The following POPDC3 variants were observed in gnomAD, a reference collection of about 807,000 sequenced individuals.
POPDC3 encodes the protein popeye domain cAMP effector 3.
POPDC3 carries 20 observed loss-of-function variants against 28.2 expected under a neutral mutation model. That is an observed-to-expected ratio of 0.71 (90% confidence interval 0.50 to 1.03). The LOEUF is 1.03. POPDC3 is among the 50% of genes least tolerant of loss of function. POPDC3 has a pLI of 0.00. For synonymous variants in POPDC3, 118 were observed against 124.1 expected (o/e 0.95, Z 0.33); for missense variants, 316 against 345.9 (o/e 0.91, Z 0.69).
intron 1 of POPDC3, among the ~76,000 whole-genome samples, chr6:105,165,781 T>G (rs867077407): frequency 6.6e-6 from 1 of 152,220 alleles, no homozygotes; most frequent in Non-Finnish European, 1.5e-5. Flanking sequence ...TGAGTGAGTT[T>G]TGGTTGCTAA....
At chr6:105,163,080 T>G (rs1366854800) in intron 1 of POPDC3, among the ~76,000 whole-genome samples, 7 of 152,138 alleles carry the variant, frequency 4.6e-5, no homozygotes, top group African/African-American at 1.7e-4. Flanking sequence ...ACTATATCAA[T>G]AAACATAAGA....
Position 105,158,162 on chromosome 6 carries a change from T to G in POPDC3, c.*308A>C. On this transcript the variant is annotated 3_prime_UTR_variant, in exon 4 of 4. Transcript: ENST00000254765. ...TGAGTCTATAGGGCAAGACAATGCATTTGAGTAAATGTGAGAAAAGAATTG... is the reference window on the plus strand; with the variant it reads ...TGAGTCTATAGGGCAAGACAATGCAGTTGAGTAAATGTGAGAAAAGAATTG... The G allele has an allele frequency of 7.2e-6, 2 of 279,618 alleles. No homozygotes were observed. Among genetic ancestry groups the G allele is most frequent in the Non-Finnish European group, 1.3e-5 (2 of 148,620 alleles). The allele number at this position is 279,618 out of a possible 1,614,324, so 17.3% of individuals were successfully genotyped here.
At chr6:105,162,210 T>C in intron 1 of POPDC3, 50 bp from the exon 2 acceptor site, 3 of 1,052,346 alleles carry the variant, frequency 2.9e-6, no homozygotes, top group Non-Finnish European at 3.5e-6. Context: ...AAAAGGAGAA[T>C]TGTGGGGTAT....
chr6:105,179,017 C>G (rs1240686028), intron 1 of POPDC3: 1 of 985,318 alleles, frequency 1.0e-6, no homozygotes, highest in African/African-American at 1.7e-5. Context: ...TCTAATTCTA[C>G]TTTTCCATTT....
intron 1 of POPDC3, among the ~76,000 whole-genome samples, chr6:105,168,574 C>G (rs1774507582): frequency 6.6e-6 from 1 of 152,212 alleles, no homozygotes. Flanking sequence ...CTAAGATGCT[C>G]TCAACATTCC....
intron 2 of POPDC3, among the ~76,000 whole-genome samples, chr6:105,161,224 T>G (rs959899976): frequency 9.9e-5 from 15 of 152,236 alleles, no homozygotes; most frequent in African/African-American, 3.4e-4. Context: ...ATTAAGGCTC[T>G]TGATTATTTT....
intron 3 of POPDC3, 158 bp from the exon 4 acceptor site, chr6:105,158,909 A>C: frequency 1.8e-6 from 1 of 561,354 alleles, no homozygotes; most frequent in South Asian, 3.3e-5. Flanking sequence ...AGAAACTACA[A>C]AATTCGTTAC....
rs1480729419 is a variant in POPDC3 at position 105,172,823 on chromosome 6, G to C, written c.-252+7010C>G. On this transcript the variant is annotated intron_variant, in intron 1 of 3. Coordinates refer to ENST00000254765, the MANE Select transcript of POPDC3 (RefSeq NM_022361.5). ...ACACCGCATGTTCTCACTCATAGGTGGGAATTGAACAATGAGAACACGTGG... is the reference window on the plus strand; with the variant it reads ...ACACCGCATGTTCTCACTCATAGGTCGGAATTGAACAATGAGAACACGTGG... Among the ~76,000 whole-genome samples, 3 of 147,182 alleles carry C rather than the reference G, an allele frequency of 2.0e-5. No individual in the cohort carries two copies. The Admixed American group carries it at 2.1e-4, about 10-fold the overall frequency.
Position 105,160,860 on chromosome 6 carries a change from A to G in POPDC3, c.485+565T>C, listed in dbSNP as rs543442051. The stretch of plus-strand genomic sequence containing the variant: ...AGGTGATTATCCTGCCTCAGCCTCC[A>G]AAAGTGCTGGGATTACAGGTGTTTT... On this transcript the variant is annotated intron_variant, in intron 2 of 3. Transcript: ENST00000254765. Among the ~76,000 whole-genome samples, 13 of 151,602 alleles carry G rather than the reference A, an allele frequency of 8.6e-5. No homozygotes were observed. The South Asian group carries it at 2.7e-3, about 32-fold the overall frequency.
chr6:105,171,850 G>A (rs1424065643), intron 1 of POPDC3, among the ~76,000 whole-genome samples: 1 of 149,652 alleles, frequency 6.7e-6, no homozygotes, highest in Non-Finnish European at 1.5e-5. Context: ...CACTTATTTC[G>A]TTTATTTTAT....
At position 105,158,185 on chromosome 6, in the gene POPDC3, T is replaced by A. The variant is rs1758; in HGVS notation, c.*285A>T. On this transcript the variant is annotated 3_prime_UTR_variant, in exon 4 of 4. Transcript: ENST00000254765. ...CATTTGAGTAAATGTGAGAAAAGAA[T>A]TGAGAAAGTGGAATTTCATTCTCCC... is the stretch of plus-strand genomic sequence containing the variant. The A allele has an allele frequency of 3.2e-5, 11 of 344,892 alleles. No homozygotes were observed. The East Asian group carries it at 5.6e-4, about 18-fold the overall frequency. The allele number at this position is 344,892 out of a possible 1,614,324, so 21.4% of individuals were successfully genotyped here.
intron 1 of POPDC3, among the ~76,000 whole-genome samples, chr6:105,172,815 T>TC (rs1774607211): frequency 1.4e-5 from 2 of 142,836 alleles, no homozygotes. Flanking sequence ...ATGTTCTCAC[T>TC]CATAGGTGGG....
rs1774330338 is a variant in POPDC3 at position 105,161,562 on chromosome 6, G to GA, written c.347dup (p.Gln117ProfsTer18). 6.2e-7 allele frequency: 1 copy of GA among 1,614,026 alleles called. No individual in the cohort carries two copies. The highest frequency in any genetic ancestry group is 1.3e-5 in the African/African-American group (1 of 74,902). The stretch of plus-strand genomic sequence containing the variant: ...CAGGCAAAGAGATCCCCAGGGGCTG[G>GA]AAAAGGGAGCTGTACAACACTTGGA... On this transcript the variant is annotated frameshift_variant, in exon 2 of 4. Transcript: ENST00000254765. LOFTEE classifies it high-confidence loss of function.
intron 1 of POPDC3, among the ~76,000 whole-genome samples, chr6:105,168,035 T>C (rs1582994446): frequency 6.6e-6 from 1 of 152,178 alleles, no homozygotes; most frequent in East Asian, 1.9e-4. Flanking sequence ...GTGGAAGAAT[T>C]ATCCAAGATT....
At chr6:105,168,088 A>G (rs1774495579) in intron 1 of POPDC3, among the ~76,000 whole-genome samples, 1 of 152,242 alleles carries the variant, frequency 6.6e-6, no homozygotes, top group African/African-American at 2.4e-5. Flanking sequence ...ATTGGTTACA[A>G]CATTCATATG....
chr6:105,158,174 T>A lies in POPDC3; in HGVS notation c.*296A>T. 3.2e-6 allele frequency: 1 copy of A among 315,172 alleles called. No individual in the cohort carries two copies. The highest frequency in any genetic ancestry group is 5.8e-6 in the Non-Finnish European group (1 of 171,302). The allele number at this position is 315,172 out of a possible 1,614,324, so 19.5% of individuals were successfully genotyped here. Reference sequence around the variant, plus strand: ...GCAAGACAATGCATTTGAGTAAATGTGAGAAAAGAATTGAGAAAGTGGAAT... The same window carrying A: ...GCAAGACAATGCATTTGAGTAAATGAGAGAAAAGAATTGAGAAAGTGGAAT... On this transcript the variant is annotated 3_prime_UTR_variant, in exon 4 of 4. Coordinates refer to ENST00000254765, the MANE Select transcript of POPDC3 (RefSeq NM_022361.5).
At position 105,171,964 on chromosome 6, in the gene POPDC3, G is replaced by A. The variant is rs947795905; in HGVS notation, c.-252+7869C>T. 4.0e-5 allele frequency among the ~76,000 whole-genome samples: 6 copies of A among 150,958 alleles called. No homozygotes were observed. In the East Asian group the frequency reaches 7.7e-4, roughly 19 times the overall value. On this transcript the variant is annotated intron_variant, in intron 1 of 3. Coordinates refer to ENST00000254765, the MANE Select transcript of POPDC3 (RefSeq NM_022361.5). The stretch of plus-strand genomic sequence containing the variant: ...CTCCCAAAGTGCTGGGATTACAGGC[G>A]TGAGCCACTGTGCCCAGCCATTAAA...
intron 1 of POPDC3, chr6:105,166,695 T>C (rs1316061717): frequency 2.1e-6 from 1 of 470,486 alleles, no homozygotes; most frequent in Non-Finnish European, 4.4e-6. Context: ...TGGCCTGAAG[T>C]GCACCTTGTA....
chr6:105,171,291 C>A (rs752762561), intron 1 of POPDC3, among the ~76,000 whole-genome samples: 2 of 152,076 alleles, frequency 1.3e-5, no homozygotes, highest in Non-Finnish European at 2.9e-5. Flanking sequence ...TGGAATAATG[C>A]TTACTTTCAA....
Sources: allele counts gnomAD v4.1 joint callset (sites outside exome capture counted in the v4.1 genomes callset), GRCh38; gene constraint gnomAD v4.1.1; transcripts MANE v1.5; gene names NCBI Gene and HGNC (gene_info 2026-07-23, HGNC 2026-07-21).